The following TBC1D12 variants were observed in gnomAD, a reference collection of about 807,000 sequenced individuals.
TBC1D12 encodes the protein TBC1 domain family member 12.
A neutral mutation model predicts 86.7 loss-of-function variants in TBC1D12; 56 were observed. The observed-to-expected ratio is 0.65, with a 90% CI of 0.52 to 0.81. The LOEUF is 0.81. Among genes scored for constraint, TBC1D12 ranks in the 30% least tolerant of loss-of-function variants. The pLI is 0.00. For synonymous variants in TBC1D12, 421 were observed against 411.7 expected, an observed-to-expected ratio of 1.02 and a Z score of -0.27; for missense variants, 1,023 against 1,038.8, an observed-to-expected ratio of 0.98 and a Z score of 0.21.
At chr10:94,408,718 G>A (rs961438421) in intron 1 of TBC1D12, among the ~76,000 whole-genome samples, 8 of 151,506 alleles carry the variant, frequency 5.3e-5, no homozygotes, top group African/African-American at 1.9e-4. Context: ...GCCTCCACCA[G>A]TCAACTAAAA....
chr10:94,447,990 G>A (rs2055495312), intron 2 of TBC1D12, among the ~76,000 whole-genome samples: 3 of 151,334 alleles, frequency 2.0e-5, no homozygotes, highest in Admixed American at 1.3e-4. Flanking sequence ...ATGTGAAAAC[G>A]AAATTGTAGT....
At chr10:94,436,397 G>A (rs1431539481) in intron 1 of TBC1D12, among the ~76,000 whole-genome samples, 1 of 152,104 alleles carries the variant, frequency 6.6e-6, no homozygotes, top group Non-Finnish European at 1.5e-5. Flanking sequence ...GCCTCCCAAA[G>A]TGCTGGGATT....
At chr10:94,415,841 G>A (rs893099938) in intron 1 of TBC1D12, among the ~76,000 whole-genome samples, 1 of 152,182 alleles carries the variant, frequency 6.6e-6, no homozygotes, top group African/African-American at 2.4e-5. Flanking sequence ...GCCCATCTTT[G>A]TAATATACTC....
intron 1 of TBC1D12, among the ~76,000 whole-genome samples, chr10:94,439,025 A>C (rs61888680): frequency 0.033 from 5,046 of 151,936 alleles, 129 homozygotes; most frequent in Non-Finnish European, 0.055. Flanking sequence ...GCTGGTCTCG[A>C]ACTCCTGACC....
Position 94,533,912 on chromosome 10 carries a change from A to G in TBC1D12, c.*816A>G, listed in dbSNP as rs939570551. 6.6e-6 allele frequency: 1 copy of G among 152,198 alleles called. No individual in the cohort carries two copies. The highest frequency in any genetic ancestry group is 1.5e-5 in the Non-Finnish European group (1 of 68,024). 9.4% of individuals were successfully genotyped at this position (152,198 alleles called of 1,614,324 possible). A position where few individuals can be genotyped will look rare whatever the true frequency, so the allele number is the denominator to read the frequency against. ...GAGAGTAAGTCCAAAAACATATATG[A>G]TGTTTCTCAGTGATAAGAGTAAAAA... is the stretch of plus-strand genomic sequence containing the variant. On this transcript the variant is annotated 3_prime_UTR_variant, in exon 13 of 13. Coordinates refer to ENST00000225235, the MANE Select transcript of TBC1D12 (RefSeq NM_015188.2).
At chr10:94,422,275 C>T (rs561214232) in intron 1 of TBC1D12, among the ~76,000 whole-genome samples, 3 of 150,746 alleles carry the variant, frequency 2.0e-5, no homozygotes, top group East Asian at 3.9e-4. Context: ...CTGCAACCTC[C>T]GCCTCCCGGG....
rs1412901554 is a variant in TBC1D12 at position 94,449,050 on chromosome 10, C to T, written c.1095+7031C>T. Among the ~76,000 whole-genome samples, 16 of 151,750 alleles carry T rather than the reference C, an allele frequency of 1.1e-4. 1 individual carries two copies. The highest frequency in any genetic ancestry group is 2.4e-4 in the Non-Finnish European group (16 of 67,976). ...GAAGTATGATCCTCAAGAGAGAAGC[C>T]TAAATTATTAAAGAAAATTAAAAGA... is the stretch of plus-strand genomic sequence containing the variant. On this transcript the variant is annotated intron_variant, in intron 2 of 12. Transcript: ENST00000225235.
Position 94,536,012 on chromosome 10 carries a change from G to A in TBC1D12, c.*2916G>A, listed in dbSNP as rs1045072988. On this transcript the variant is annotated 3_prime_UTR_variant, in exon 13 of 13. Coordinates refer to ENST00000225235, the MANE Select transcript of TBC1D12 (RefSeq NM_015188.2). ...CAAGGAAACAAAGGAAATAATCTTT[G>A]TTTTTGTTTGCCAAATTTGTCTTCC... 6.6e-6 allele frequency: 1 copy of A among 151,986 alleles called. No homozygotes were observed. The highest frequency in any genetic ancestry group is 2.4e-5 in the African/African-American group (1 of 41,410). The allele number at this position is 151,986 out of a possible 1,614,324, so 9.4% of individuals were successfully genotyped here.
At chr10:94,428,943 G>T (rs1241871304) in intron 1 of TBC1D12, among the ~76,000 whole-genome samples, 1 of 152,050 alleles carries the variant, frequency 6.6e-6, no homozygotes, top group Non-Finnish European at 1.5e-5. Context: ...AGATGCAAGT[G>T]ATCCTCCCGC....
intron 1 of TBC1D12, among the ~76,000 whole-genome samples, chr10:94,438,494 A>T (rs115808527): frequency 6.6e-6 from 1 of 152,032 alleles, no homozygotes; most frequent in Non-Finnish European, 1.5e-5. Flanking sequence ...TCACTCCCTT[A>T]GGGCCAGACC....
intron 3 of TBC1D12, among the ~76,000 whole-genome samples, chr10:94,475,088 G>C (rs1344350043): frequency 6.6e-6 from 1 of 152,108 alleles, no homozygotes; most frequent in East Asian, 1.9e-4. Context: ...AGAGTATATT[G>C]TTGTTGTCTA....
intron 11 of TBC1D12, among the ~76,000 whole-genome samples, chr10:94,527,514 G>C (rs1842326331): frequency 6.9e-6 from 1 of 144,628 alleles, no homozygotes; most frequent in South Asian, 2.2e-4. Context: ...TTTTTTTTAT[G>C]CTATTGATTG....
At chr10:94,492,539 T>G (rs964237477) in intron 3 of TBC1D12, among the ~76,000 whole-genome samples, 1 of 152,180 alleles carries the variant, frequency 6.6e-6, no homozygotes, top group Admixed American at 6.5e-5. Context: ...TCCACCCACA[T>G]GGATAAATGG....
At chr10:94,452,238 A>G (rs2055561786) in intron 2 of TBC1D12, among the ~76,000 whole-genome samples, 1 of 152,126 alleles carries the variant, frequency 6.6e-6, no homozygotes, top group South Asian at 2.1e-4. Flanking sequence ...CACTGTCAGC[A>G]TCCTGCACCA....
chr10:94,452,044 A>G (rs2055558630), intron 2 of TBC1D12, among the ~76,000 whole-genome samples: 1 of 151,118 alleles, frequency 6.6e-6, no homozygotes, highest in Non-Finnish European at 1.5e-5. Flanking sequence ...AGATCTGCAT[A>G]TATATATTTA....
At chr10:94,495,494 A>T (rs552292518) in intron 4 of TBC1D12, among the ~76,000 whole-genome samples, 1 of 152,280 alleles carries the variant, frequency 6.6e-6, no homozygotes, top group South Asian at 2.1e-4. Context: ...ATTAATTTTA[A>T]AATTTTTACT....
chr10:94,529,067 G>A (rs1285209510), intron 11 of TBC1D12, among the ~76,000 whole-genome samples: 1 of 151,776 alleles, frequency 6.6e-6, no homozygotes, highest in African/African-American at 2.4e-5. Flanking sequence ...GCTGAGTGCA[G>A]TGGCGTGATC....
chr10:94,487,941 A>C (rs561634339), intron 3 of TBC1D12, among the ~76,000 whole-genome samples: 1 of 152,008 alleles, frequency 6.6e-6, no homozygotes, highest in East Asian at 1.9e-4. Context: ...GGCATGAGCA[A>C]TTCTGCCATG....
intron 1 of TBC1D12, among the ~76,000 whole-genome samples, chr10:94,421,035 T>C (rs1356782101): frequency 1.3e-5 from 2 of 152,162 alleles, no homozygotes; most frequent in African/African-American, 4.8e-5. Context: ...TTTTGAAATA[T>C]ATATTATTAT....
Sources: allele counts gnomAD v4.1 joint callset (sites outside exome capture counted in the v4.1 genomes callset), GRCh38; gene constraint gnomAD v4.1.1; transcripts MANE v1.5; gene names NCBI Gene and HGNC (gene_info 2026-07-23, HGNC 2026-07-21).